LDAH: variants seen among roughly 807,000 people sequenced by gnomAD.
LDAH encodes the protein lipid droplet associated hydrolase, also known as lipid droplet-associated hydrolase.
LDAH carries 26 observed loss-of-function variants against 29.6 expected under a neutral mutation model. The observed-to-expected ratio is 0.88, with a 90% CI of 0.64 to 1.22. The LOEUF (loss-of-function observed/expected upper bound fraction) is 1.22, where lower values mean the gene tolerates loss of function less well. Ranked by LOEUF, LDAH falls within the 50% of genes most tolerant of loss-of-function variation. The pLI is 0.00. For missense variants in LDAH, 344 were observed against 387.3 expected, an observed-to-expected ratio of 0.89 and a Z score of 0.94; for synonymous variants, 117 against 133.0, an observed-to-expected ratio of 0.88 and a Z score of 0.83.
At chr2:20,755,836 A>C (rs1668302253) in intron 4 of LDAH, among the ~76,000 whole-genome samples, 1 of 152,240 alleles carries the variant, frequency 6.6e-6, no homozygotes, top group African/African-American at 2.4e-5. Context: ...TGTTTGCTTC[A>C]GGATGCTGTG....
chr2:20,714,413 C>T (rs1044233772), intron 5 of LDAH, among the ~76,000 whole-genome samples: 1 of 152,132 alleles, frequency 6.6e-6, no homozygotes, highest in South Asian at 2.1e-4. Flanking sequence ...GCACTAAATA[C>T]CCACACAGGA....
chr2:20,735,679 T>C (rs1454943630), intron 5 of LDAH, among the ~76,000 whole-genome samples: 2 of 152,176 alleles, frequency 1.3e-5, no homozygotes, highest in Admixed American at 1.3e-4. Context: ...TTGAGTATTA[T>C]GTTATGAGAT....
At chr2:20,779,087 A>C (rs1337514721) in intron 3 of LDAH, among the ~76,000 whole-genome samples, 2 of 152,190 alleles carry the variant, frequency 1.3e-5, no homozygotes, top group Non-Finnish European at 2.9e-5. Flanking sequence ...GCAGACAGTA[A>C]CTACATCTCA....
chr2:20,783,805 G>A (rs1028095001), intron 3 of LDAH, among the ~76,000 whole-genome samples: 2 of 152,126 alleles, frequency 1.3e-5, no homozygotes, highest in Non-Finnish European at 2.9e-5. Context: ...TCAACCTCCC[G>A]AGTTCAAGTG....
At chr2:20,688,136 G>A (rs999338174) in intron 6 of LDAH, among the ~76,000 whole-genome samples, 6 of 152,212 alleles carry the variant, frequency 3.9e-5, no homozygotes. Context: ...GTCTTGGGGG[G>A]AGGGGAGAAG....
intron 2 of LDAH, among the ~76,000 whole-genome samples, chr2:20,800,970 G>A (rs1253448085): frequency 1.3e-5 from 2 of 152,060 alleles, no homozygotes; most frequent in Non-Finnish European, 2.9e-5. Flanking sequence ...GTTGAAATGA[G>A]GCAGAAAAAG....
At chr2:20,702,758 T>C (rs1664036193) in intron 5 of LDAH, among the ~76,000 whole-genome samples, 1 of 152,258 alleles carries the variant, frequency 6.6e-6, no homozygotes, top group African/African-American at 2.4e-5. Context: ...CTTAGCATAC[T>C]TGCACTTTCC....
chr2:20,807,010 C>T (rs941201517), intron 1 of LDAH, among the ~76,000 whole-genome samples: 6 of 151,762 alleles, frequency 4.0e-5, no homozygotes, highest in African/African-American at 1.4e-4. Flanking sequence ...ACTTTGAAAA[C>T]ACCTATAAAT....
At chr2:20,809,118 G>A (rs768426297) in intron 1 of LDAH, among the ~76,000 whole-genome samples, 10 of 152,132 alleles carry the variant, frequency 6.6e-5, no homozygotes, top group African/African-American at 1.2e-4. Flanking sequence ...ACTGCCAGGC[G>A]TGGTGGCTCA....
chr2:20,718,341 C>G (rs1365140898), intron 5 of LDAH, among the ~76,000 whole-genome samples: 4 of 151,816 alleles, frequency 2.6e-5, no homozygotes, highest in Admixed American at 6.6e-5. Context: ...GCAAATGGAA[C>G]TTTAAAAAGA....
At chr2:20,760,710 G>A (rs1668625305) in intron 4 of LDAH, among the ~76,000 whole-genome samples, 1 of 152,174 alleles carries the variant, frequency 6.6e-6, no homozygotes, top group African/African-American at 2.4e-5. Context: ...CCCACAACAT[G>A]GCAGTTTGCT....
At chr2:20,744,098 T>C (rs1341758956) in intron 4 of LDAH, among the ~76,000 whole-genome samples, 1 of 152,146 alleles carries the variant, frequency 6.6e-6, no homozygotes, top group East Asian at 1.9e-4. Context: ...CTACCTATTC[T>C]TGAATGATGC....
intron 1 of LDAH, among the ~76,000 whole-genome samples, chr2:20,808,436 G>C (rs916113638): frequency 1.3e-5 from 2 of 152,058 alleles, no homozygotes; most frequent in Non-Finnish European, 2.9e-5. Context: ...GGCCGAGGCG[G>C]GCGGATCACG....
chr2:20,701,775 T>C (rs1358701351), intron 5 of LDAH, 123 bp from the exon 6 acceptor site: 4 of 776,416 alleles, frequency 5.2e-6, no homozygotes, highest in Non-Finnish European at 8.7e-6. Flanking sequence ...TGAGAGATAC[T>C]GGTGAGGCCA....
chr2:20,772,781 G>A (rs1457633380), intron 4 of LDAH, among the ~76,000 whole-genome samples: 1 of 152,152 alleles, frequency 6.6e-6, no homozygotes, highest in Non-Finnish European at 1.5e-5. Flanking sequence ...TAAAGAAGGT[G>A]GCCTCCCCCC....
rs539573767 is a variant in LDAH at position 20,797,480 on chromosome 2, GA to G, written c.154+3829del. 3.9e-5 allele frequency among the ~76,000 whole-genome samples: 6 copies of G among 152,196 alleles called. No homozygotes were observed. In the East Asian group the frequency reaches 1.2e-3, roughly 29 times the overall value. ...CTGGGTCCCTACTCAATCACCTTAG[GA>G]TGAGGCCCACCTAGGGCGACCAACT... On this transcript the variant is annotated intron_variant, in intron 2 of 6. Coordinates refer to ENST00000237822, the MANE Select transcript of LDAH (RefSeq NM_021925.4).
intron 1 of LDAH, among the ~76,000 whole-genome samples, chr2:20,805,636 C>A (rs542316182): frequency 3.5e-4 from 54 of 152,236 alleles, no homozygotes; most frequent in African/African-American, 1.3e-3. Context: ...ACCAAGCGTG[C>A]ATACAATCTG....
chr2:20,792,039 T>TC (rs1347309433), intron 2 of LDAH, among the ~76,000 whole-genome samples: 3 of 152,162 alleles, frequency 2.0e-5, no homozygotes, highest in African/African-American at 7.2e-5. Flanking sequence ...TTTTTCTTTT[T>TC]CTAAATTTTC....
At position 20,748,472 on chromosome 2, in the gene LDAH, C is replaced by A. The variant is rs565151197; in HGVS notation, c.469-8267G>T. On this transcript the variant is annotated intron_variant, in intron 4 of 6. Coordinates refer to ENST00000237822, the MANE Select transcript of LDAH (RefSeq NM_021925.4). ...CTTTTATCATTTTATATTCTCTGCACTTATTTTATTTTGGATGCAAAATGC... is the reference window on the plus strand; with the variant it reads ...CTTTTATCATTTTATATTCTCTGCAATTATTTTATTTTGGATGCAAAATGC... Among the ~76,000 whole-genome samples the A allele has an allele frequency of 6.6e-5, 10 of 152,272 alleles. No homozygotes were observed. The East Asian group carries it at 1.4e-3, about 21-fold the overall frequency.
Sources: allele counts gnomAD v4.1 joint callset (sites outside exome capture counted in the v4.1 genomes callset), GRCh38; gene constraint gnomAD v4.1.1; transcripts MANE v1.5; gene names NCBI Gene and HGNC (gene_info 2026-07-23, HGNC 2026-07-21).